ATOSA: variants seen among roughly 807,000 people sequenced by gnomAD.
ATOSA encodes atos homolog protein A.
At chr15:52,694,454 C>T in the ATOSA span, among the ~76,000 whole-genome samples, 10 of 152,014 alleles carry the variant, frequency 6.6e-5, no homozygotes, top group Non-Finnish European at 1.0e-4. Flanking sequence ...CATGAGCCAC[C>T]GCACCCGGCC....
chr15:52,656,925 T>C, the ATOSA span: 1 of 152,178 alleles, frequency 6.6e-6, no homozygotes, highest in Non-Finnish European at 1.5e-5. Flanking sequence ...TCTCCTGCTA[T>C]TACAAAGAAT....
At chr15:52,613,512 A>T in the ATOSA span, among the ~76,000 whole-genome samples, 1 of 152,230 alleles carries the variant, frequency 6.6e-6, no homozygotes, top group Non-Finnish European at 1.5e-5. Flanking sequence ...TTTGAGAGCC[A>T]AGGTTATTAG....
the ATOSA span, among the ~76,000 whole-genome samples, chr15:52,596,593 G>A: frequency 6.6e-6 from 1 of 152,142 alleles, no homozygotes; most frequent in African/African-American, 2.4e-5. Flanking sequence ...CTCACCCAGG[G>A]GATATATGGT....
chr15:52,614,385 C>T, the ATOSA span, among the ~76,000 whole-genome samples: 11 of 151,396 alleles, frequency 7.3e-5, no homozygotes, highest in South Asian at 2.3e-3. Context: ...GGATTACAGG[C>T]ATGAGCCACT....
the ATOSA span, among the ~76,000 whole-genome samples, chr15:52,652,923 G>A: frequency 1.3e-5 from 2 of 152,194 alleles, no homozygotes; most frequent in African/African-American, 4.8e-5. Context: ...TTACAAAGCT[G>A]TTTGGGAGAA....
the ATOSA span, among the ~76,000 whole-genome samples, chr15:52,637,573 T>A: frequency 6.6e-6 from 1 of 152,200 alleles, no homozygotes; most frequent in African/African-American, 2.4e-5. Flanking sequence ...AAGGCCATCA[T>A]CTCTTTCACT....
the ATOSA span, among the ~76,000 whole-genome samples, chr15:52,706,595 A>G: frequency 6.6e-6 from 1 of 152,338 alleles, no homozygotes; most frequent in Non-Finnish European, 1.5e-5. Context: ...ACATGTCAAA[A>G]GGAAACAAAA....
At chr15:52,635,183 A>C in the ATOSA span, among the ~76,000 whole-genome samples, 1 of 152,206 alleles carries the variant, frequency 6.6e-6, no homozygotes, top group Non-Finnish European at 1.5e-5. Context: ...GAGAAATAGA[A>C]ACACCCACAA....
the ATOSA span, among the ~76,000 whole-genome samples, chr15:52,617,768 T>A: frequency 3.9e-3 from 297 of 76,858 alleles, 1 homozygote; most frequent in East Asian, 0.24. Flanking sequence ...ATTTATTTAT[T>A]AATAATTTAT....
At chr15:52,661,719 G>C in the ATOSA span, among the ~76,000 whole-genome samples, 1 of 152,012 alleles carries the variant, frequency 6.6e-6, no homozygotes, top group African/African-American at 2.4e-5. Flanking sequence ...ACAACAAAAG[G>C]TACAGGCCAT....
chr15:52,622,098 C>T, the ATOSA span, among the ~76,000 whole-genome samples: 3 of 152,078 alleles, frequency 2.0e-5, no homozygotes, highest in Admixed American at 6.6e-5. Flanking sequence ...TTACCAACCT[C>T]GGCCTCCCAA....
chr15:52,615,810 C>T, the ATOSA span, among the ~76,000 whole-genome samples: 1 of 152,208 alleles, frequency 6.6e-6, no homozygotes, highest in Non-Finnish European at 1.5e-5. Flanking sequence ...TAACTTATCA[C>T]TGTCAGTTCT....
the ATOSA span, among the ~76,000 whole-genome samples, chr15:52,672,282 G>A: frequency 2.0e-5 from 3 of 151,192 alleles, no homozygotes; most frequent in Admixed American, 6.6e-5. Context: ...CCAGGAGTTG[G>A]AGGCTACAGT....
At chr15:52,630,295 T>C in the ATOSA span, among the ~76,000 whole-genome samples, 128 of 152,268 alleles carry the variant, frequency 8.4e-4, no homozygotes, top group African/African-American at 2.9e-3. Flanking sequence ...CGAAGGTTCC[T>C]ATGGACTAAG....
At chr15:52,649,016 A>C in the ATOSA span, among the ~76,000 whole-genome samples, 4 of 152,168 alleles carry the variant, frequency 2.6e-5, no homozygotes, top group Non-Finnish European at 4.4e-5. Context: ...GGATTATATA[A>C]TAGATTCAAG....
the ATOSA span, among the ~76,000 whole-genome samples, chr15:52,597,495 CACTT>C: frequency 6.6e-6 from 1 of 152,172 alleles, no homozygotes; most frequent in Admixed American, 6.5e-5. Flanking sequence ...CAATGACACT[CACTT>C]AAATAAATCC....
the ATOSA span, among the ~76,000 whole-genome samples, chr15:52,673,977 G>C: frequency 2.0e-5 from 3 of 152,146 alleles, no homozygotes; most frequent in East Asian, 5.8e-4. Flanking sequence ...AAATAGTGTG[G>C]TGTTTTGTTT....
the ATOSA span, among the ~76,000 whole-genome samples, chr15:52,651,394 C>CA: frequency 6.6e-6 from 1 of 152,278 alleles, no homozygotes; most frequent in African/African-American, 2.4e-5. Flanking sequence ...TAAACTATGT[C>CA]AAAAATCTCA....
At chr15:52,691,150 G>C in the ATOSA span, among the ~76,000 whole-genome samples, 3 of 151,914 alleles carry the variant, frequency 2.0e-5, no homozygotes, top group Non-Finnish European at 4.4e-5. Context: ...TATCCATCTA[G>C]GACTCTTTAG....
Sources: gnomAD v4.1 joint callset for allele counts (sites outside exome capture counted in the v4.1 genomes callset) on GRCh38, gnomAD v4.1.1 for gene constraint, MANE v1.5 for transcripts, NCBI Gene and HGNC (gene_info 2026-07-23, HGNC 2026-07-21) for gene names.